NOS3: variants seen among roughly 807,000 people sequenced by gnomAD.
NOS3 encodes the protein nitric oxide synthase 3, also known as NOS type III.
A neutral mutation model predicts 144.9 loss-of-function variants in NOS3; 98 were observed. The ratio of observed to expected loss-of-function variants is 0.68; its 90% CI spans 0.57 to 0.80. NOS3 has a LOEUF of 0.80. NOS3 is among the 30% of genes least tolerant of loss of function. The pLI, the probability that NOS3 is intolerant of heterozygous loss-of-function variation, is 0.00. For synonymous variants in NOS3, 714 were observed against 702.4 expected, an observed-to-expected ratio of 1.02 and a Z score of -0.26; for missense variants, 1,465 against 1,656.4, an observed-to-expected ratio of 0.88 and a Z score of 2.01.
At chr7:150,995,341 C>A in intron 3 of NOS3, 27 bp downstream of exon 3, 1 of 1,519,340 alleles carries the variant, frequency 6.6e-7, no homozygotes, top group Non-Finnish European at 9.1e-7. Flanking sequence ...CTGTCCCCAT[C>A]GTCTCCAGGG....
chr7:150,995,286 A>T lies in NOS3; in HGVS notation c.242A>T (p.Tyr81Phe). 1 of 1,611,066 alleles carries T rather than the reference A, an allele frequency of 6.2e-7. No individual in the cohort carries two copies. The highest frequency in any genetic ancestry group is 8.5e-7 in the Non-Finnish European group (1 of 1,178,772). ...AACTGGGAGGTGGGGAGCATCACCT[A>T]TGACACCCTCAGCGCCCAGGCGCAG... ...VKNWEVGSIT[Y>F]DTLSAQAQQD... is the part of the protein sequence containing the mutation. Residue 81 changes from tyrosine to phenylalanine, a missense_variant, in exon 3 of 27, where the codon TAT becomes TTT. Physicochemically the swap from Tyr to Phe is conservative, Grantham distance 22. Around this residue, in one of 5 missense-constraint regions of NOS3, gnomAD observed 374 missense variants for 377.0 expected, o/e 0.99. Transcript: ENST00000297494.
At chr7:150,991,983 C>T (rs1265229628) in intron 1 of NOS3, among the ~76,000 whole-genome samples, 4 of 147,316 alleles carry the variant, frequency 2.7e-5, no homozygotes, top group South Asian at 4.3e-4. Flanking sequence ...ACAACAAAAG[C>T]GAGACTCTGT....
Position 151,010,605 on chromosome 7 carries a change from A to T in NOS3, c.2694A>T (p.Arg898=), listed in dbSNP as rs147400783. Residue 898 remains arginine, a synonymous_variant, in exon 22 of 27, where the codon CGA becomes CGT. Transcript: ENST00000297494. ...QELEALSQDP[R]RYEEWKWFRC... is the part of the protein sequence containing the mutation. The stretch of plus-strand genomic sequence containing the variant: ...GCATCCTGCCCCGCCAGGATCCCCG[A>T]CGCTACGAGGAGTGGAAGTGGTTCC... 31 of 1,590,536 alleles carry T rather than the reference A, an allele frequency of 1.9e-5. No homozygotes were observed. The highest frequency in any genetic ancestry group is 2.6e-5 in the Non-Finnish European group (30 of 1,167,878).
chr7:151,012,762 T>G, intron 24 of NOS3: 1 of 370,504 alleles, frequency 2.7e-6, no homozygotes, highest in Non-Finnish European at 5.0e-6. Flanking sequence ...CTGCCCAAGG[T>G]GGATTCTTGA....
rs1802296247 is a variant in NOS3 at position 150,993,410 on chromosome 7, G to T, written c.-51-343G>T. Among the ~76,000 whole-genome samples the T allele has an allele frequency of 6.6e-6, 1 of 152,162 alleles. No homozygotes were observed. The highest frequency in any genetic ancestry group is 2.1e-4 in the South Asian group (1 of 4,832). On this transcript the variant is annotated intron_variant, in intron 1 of 26. Coordinates refer to ENST00000297494, the MANE Select transcript of NOS3 (RefSeq NM_000603.5). This position sits in a 1 kb window ranked among gnomAD's most constrained non-coding sequence, Gnocchi z 4.0. ...AACCCTCCAGGGAAAGGCACACAGG[G>T]GTGAGGCCGAAGGCCCTTCCGTCTG...
Position 151,000,616 on chromosome 7 carries a change from TG to T in NOS3, c.1233+19del. Reference sequence around the variant, plus strand: ...AGTTACCAGGTGCAGAGGCCCAGACTGGCCAGGAAGGCAAAGGGTTTGCATA... The same window carrying T: ...AGTTACCAGGTGCAGAGGCCCAGACTGCCAGGAAGGCAAAGGGTTTGCATA... On this transcript the variant is annotated intron_variant, in intron 10 of 26. Transcript: ENST00000297494. 1.3e-6 allele frequency: 2 copies of T among 1,573,590 alleles called. No homozygotes were observed. The highest frequency in any genetic ancestry group is 1.3e-5 in the African/African-American group (1 of 74,218).
At chr7:151,011,089 C>A in intron 23 of NOS3, 103 bp downstream of exon 23, 2 of 765,088 alleles carry the variant, frequency 2.6e-6, no homozygotes, top group Non-Finnish European at 2.3e-6. Context: ...CAGGAAGGAG[C>A]TCTGTAACAT....
chr7:150,994,044 T>C, intron 2 of NOS3, 83 bp downstream of exon 2: 2 of 1,446,654 alleles, frequency 1.4e-6, no homozygotes, highest in Non-Finnish European at 9.3e-7. Context: ...GTCTGGAACT[T>C]GTAGCTGAGT....
Position 151,000,545 on chromosome 7 carries a change from G to A in NOS3, c.1179G>A (p.Leu393=), listed in dbSNP as rs765914254. Residue 393 remains leucine, a synonymous_variant, in exon 10 of 27, where the codon CTG becomes CTA. Coordinates refer to ENST00000297494, the MANE Select transcript of NOS3 (RefSeq NM_000603.5). ...TGGATACCCGGACCACCTCGTCCCT[G>A]TGGAAAGACAAGGCAGCAGTGGAAA... is the stretch of plus-strand genomic sequence containing the variant. ...MDLDTRTTSS[L]WKDKAAVEIN... is the part of the protein sequence containing the mutation. 15 of 1,613,536 alleles carry A rather than the reference G, an allele frequency of 9.3e-6. No individual in the cohort carries two copies. Among genetic ancestry groups the A allele is most frequent in the African/African-American group, 4.0e-5 (3 of 74,932 alleles).
intron 14 of NOS3, among the ~76,000 whole-genome samples, chr7:151,004,638 C>T (rs1795178563): frequency 6.6e-6 from 1 of 152,132 alleles, no homozygotes; most frequent in African/African-American, 2.4e-5. Flanking sequence ...CACAACAGTG[C>T]AGGTGAATCT....
intron 3 of NOS3, 72 bp downstream of exon 3, chr7:150,995,386 G>A (rs1409960579): frequency 3.4e-5 from 33 of 967,344 alleles, no homozygotes; most frequent in Admixed American, 4.2e-5. Context: ...AGATGGGGCC[G>A]GAGAGGGAAG....
Position 151,003,555 on chromosome 7 carries a change from G to C in NOS3, c.1752+1251G>C. On this transcript the variant is annotated intron_variant, in intron 14 of 26. Transcript: ENST00000297494. This position sits in a 1 kb window ranked among gnomAD's most constrained non-coding sequence, Gnocchi z 4.1. ...CAATTGACTTTTTTTTAGCATAAAG[G>C]TGTATAGACACCCATATAACCTACA... 1.5e-6 allele frequency: 2 copies of C among 1,299,092 alleles called. No homozygotes were observed. Among genetic ancestry groups the C allele is most frequent in the South Asian group, 1.2e-5 (1 of 80,192 alleles). 80.5% of individuals were successfully genotyped at this position (1,299,092 alleles called of 1,614,324 possible). A position where few individuals can be genotyped will look rare whatever the true frequency, so the allele number is the denominator to read the frequency against.
rs374925173 is a variant in NOS3 at position 151,013,664 on chromosome 7, C to T, written c.3256-60C>T. On this transcript the variant is annotated intron_variant, in intron 25 of 26. Transcript: ENST00000297494. ...TCACGTCCAGGGCCAGCCAGCAGCCCCGGGCTGCGCCCCCGCGCCCACCCC... is the reference window on the plus strand; with the variant it reads ...TCACGTCCAGGGCCAGCCAGCAGCCTCGGGCTGCGCCCCCGCGCCCACCCC... 379 of 1,421,910 alleles carry T rather than the reference C, an allele frequency of 2.7e-4. 3 individuals are homozygous for T. In the African/African-American group the frequency reaches 4.9e-3, roughly 18 times the overall value. The allele number at this position is 1,421,910 out of a possible 1,614,324, so 88.1% of individuals were successfully genotyped here.
rs537211297 is a variant in NOS3, at chr7:150,991,284, A to G, written c.-68A>G. ...TGGCATCTGGAAGCTGTCAGCCACC[A>G]GCACCTTCTGCAGCAGGTACCTGCT... On this transcript the variant is annotated 5_prime_UTR_variant, in exon 1 of 27. Transcript: ENST00000297494. The G allele has an allele frequency of 6.6e-6, 1 of 152,394 alleles. No homozygotes were observed. The highest frequency in any genetic ancestry group is 2.1e-4 in the South Asian group (1 of 4,830). 9.4% of individuals were successfully genotyped at this position (152,394 alleles called of 1,614,324 possible). A position where few individuals can be genotyped will look rare whatever the true frequency, so the allele number is the denominator to read the frequency against.
Position 151,001,402 on chromosome 7 carries a change from C to T in NOS3, c.1405C>T (p.Leu469=), listed in dbSNP as rs768810194. 70 of 1,593,304 alleles carry T rather than the reference C, an allele frequency of 4.4e-5. No individual in the cohort carries two copies. Among genetic ancestry groups the T allele is most frequent in the Non-Finnish European group, 5.6e-5 (65 of 1,168,512 alleles). The change falls in exon 11 of 27, where the codon CTG becomes TTG. Residue 469 remains leucine (L), a synonymous_variant. Transcript: ENST00000297494. ...VFHQEMVNYF[L]SPAFRYQPDP... ...CCATCAGGAGATGGTCAACTATTTC[C>T]TGTCCCCGGCCTTCCGCTACCAGGT... is the stretch of plus-strand genomic sequence containing the variant.
rs1563227465 is a variant in NOS3 at position 151,007,294 on chromosome 7, C to T, written c.2112+18C>T. 2 of 1,582,294 alleles carry T rather than the reference C, an allele frequency of 1.3e-6. No individual in the cohort carries two copies. Among genetic ancestry groups the T allele is most frequent in the Non-Finnish European group, 1.7e-6 (2 of 1,169,512 alleles). ...CCTTCCAGGTGAGCCCAGCCCAGCC[C>T]CTGCTCTGACTCCTGCCCCCTGGGA... On this transcript the variant is annotated intron_variant, in intron 17 of 26. Coordinates refer to ENST00000297494, the MANE Select transcript of NOS3 (RefSeq NM_000603.5).
chr7:151,000,604 A>G lies in NOS3; in HGVS notation c.1233+5A>G. The G allele has an allele frequency of 1.2e-6, 2 of 1,601,510 alleles. No homozygotes were observed. Among genetic ancestry groups the G allele is most frequent in the Non-Finnish European group, 1.7e-6 (2 of 1,169,288 alleles). On this transcript the variant is annotated splice_donor_5th_base_variant and intron_variant, in intron 10 of 26. Coordinates refer to ENST00000297494, the MANE Select transcript of NOS3 (RefSeq NM_000603.5). ...GCCGTGCTGCACAGTTACCAGGTGCAGAGGCCCAGACTGGCCAGGAAGGCA... is the reference window on the plus strand; with the variant it reads ...GCCGTGCTGCACAGTTACCAGGTGCGGAGGCCCAGACTGGCCAGGAAGGCA...
In NOS3 at chr7:151,007,172, C is replaced by T. The variant is rs761321500; in HGVS notation, c.2008C>T (p.Arg670Trp). The T allele has an allele frequency of 3.7e-6, 6 of 1,613,592 alleles. No individual in the cohort carries two copies. Among genetic ancestry groups the T allele is most frequent in the Non-Finnish European group, 5.1e-6 (6 of 1,179,958 alleles). Residue 670 changes from arginine to tryptophan, a missense_variant, in exon 17 of 27, where the codon CGG becomes TGG. Arg to Trp is a moderately radical substitution (Grantham distance 101). Around this residue, in one of 5 missense-constraint regions of NOS3, gnomAD observed 745 missense variants for 853.9 expected, o/e 0.87. Coordinates refer to ENST00000297494, the MANE Select transcript of NOS3 (RefSeq NM_000603.5). ...FCAFARAVDT[R>W]LEELGGERLL... is the part of the protein sequence containing the mutation. The stretch of plus-strand genomic sequence containing the variant: ...CGCCTTTGCTCGTGCCGTGGACACA[C>T]GGCTGGAGGAACTGGGCGGGGAGCG...
chr7:151,013,296 C>G lies in NOS3; in HGVS notation c.3172C>G (p.Arg1058Gly). Residue 1058 changes from arginine (R) to glycine (G), a missense_variant, in exon 25 of 27, where the codon CGC becomes GGC. By Grantham distance (125) the Arg-to-Gly change is moderately radical (BLOSUM62 -2). Coordinates refer to ENST00000297494, the MANE Select transcript of NOS3 (RefSeq NM_000603.5). The stretch of plus-strand genomic sequence containing the variant: ...ATGCTCCCAACTTGACCATCTCTAC[C>G]GCGACGAGGTGCAGAACGCCCAGCA... The part of the protein sequence containing the change: ...CRCSQLDHLY[R>G]DEVQNAQQRG... 1.2e-6 allele frequency: 2 copies of G among 1,613,970 alleles called. No individual in the cohort carries two copies. Among genetic ancestry groups the G allele is most frequent in the East Asian group, 4.5e-5 (2 of 44,900 alleles).
Sources: gnomAD v4.1 joint callset for allele counts (sites outside exome capture counted in the v4.1 genomes callset) on GRCh38, gnomAD v4.1.1 for gene constraint, gnomAD v4.1.1 regional missense constraint, Gnocchi (gnomAD v3.1) non-coding constraint, MANE v1.5 for transcripts, NCBI Gene and HGNC (gene_info 2026-07-23, HGNC 2026-07-21) for gene names.